MAP2: variants seen among roughly 807,000 people sequenced by gnomAD.
MAP2 encodes the protein microtubule-associated protein 2.
MAP2 carries 14 observed loss-of-function variants against 137.6 expected under a neutral mutation model. The observed-to-expected ratio is 0.10, with a 90% CI of 0.07 to 0.16. The LOEUF is 0.16. Ranked by LOEUF, MAP2 falls within the 10% of genes least tolerant of loss-of-function variation. MAP2 has a pLI of 1.00. For missense variants in MAP2, 2,088 were observed against 2,191.5 expected, an observed-to-expected ratio of 0.95 and a Z score of 0.94; for synonymous variants, 786 against 782.3, an observed-to-expected ratio of 1.00 and a Z score of -0.08.
chr2:209,683,109 G>A (rs1050046822), intron 7 of MAP2, among the ~76,000 whole-genome samples: 1 of 152,128 alleles, frequency 6.6e-6, no homozygotes, highest in Non-Finnish European at 1.5e-5. Flanking sequence ...CACCCAGCCT[G>A]CTTCCTGTAG....
At chr2:209,631,726 T>C (rs533051947) in intron 4 of MAP2, among the ~76,000 whole-genome samples, 3 of 152,274 alleles carry the variant, frequency 2.0e-5, no homozygotes, top group East Asian at 3.9e-4. Context: ...GAAAAGAGTA[T>C]GTGATGAAGC....
chr2:209,635,484 C>A (rs895199496), intron 4 of MAP2, among the ~76,000 whole-genome samples: 5 of 152,090 alleles, frequency 3.3e-5, no homozygotes, highest in Non-Finnish European at 7.4e-5. Flanking sequence ...GATGAACTTA[C>A]AAATAACCGT....
chr2:209,674,140 GC>G (rs1342806825), intron 5 of MAP2, among the ~76,000 whole-genome samples: 1 of 151,696 alleles, frequency 6.6e-6, no homozygotes, highest in Non-Finnish European at 1.5e-5. Flanking sequence ...CATTAACATA[GC>G]CATCAACATC....
chr2:209,620,876 T>C (rs1419082013), intron 3 of MAP2, among the ~76,000 whole-genome samples: 1 of 152,114 alleles, frequency 6.6e-6, no homozygotes, highest in African/African-American at 2.4e-5. Context: ...ATGCTAGTCA[T>C]TGAGGTTAAG....
intron 1 of MAP2, among the ~76,000 whole-genome samples, chr2:209,488,433 C>T: frequency 6.6e-6 from 1 of 152,148 alleles, no homozygotes; most frequent in African/African-American, 2.4e-5. Flanking sequence ...GCCAGTGAGA[C>T]AGAACCATTC....
At chr2:209,603,075 C>T (rs535062986) in intron 3 of MAP2, among the ~76,000 whole-genome samples, 1 of 152,176 alleles carries the variant, frequency 6.6e-6, no homozygotes, top group African/African-American at 2.4e-5. Flanking sequence ...AGAGGATTGC[C>T]AGCTGTGCAC....
At chr2:209,530,541 A>G (rs1447326873) in intron 2 of MAP2, among the ~76,000 whole-genome samples, 1 of 152,180 alleles carries the variant, frequency 6.6e-6, no homozygotes, top group African/African-American at 2.4e-5. Flanking sequence ...ATAGACAGGA[A>G]ATTAAAATCT....
rs2064901527 is a variant in MAP2, at chr2:209,709,966, C to A, written c.4785C>A (p.Thr1595=). Residue 1595 remains threonine, a synonymous_variant, in exon 13 of 16, where the codon ACC becomes ACA. Transcript: ENST00000682079. ...AGKSGTSTPT[T]PGSTAITPGT... is the part of the protein sequence containing the mutation. ...AGAGTGGTACCTCAACACCCACTAC[C>A]CCTGGGTCTACTGCCATCACTCCTG... is the stretch of plus-strand genomic sequence containing the variant. 6.2e-7 allele frequency: 1 copy of A among 1,613,824 alleles called. No individual in the cohort carries two copies. Among genetic ancestry groups the A allele is most frequent in the African/African-American group, 1.3e-5 (1 of 74,848 alleles).
At chr2:209,495,326 C>G (rs901025521) in intron 1 of MAP2, among the ~76,000 whole-genome samples, 3 of 152,244 alleles carry the variant, frequency 2.0e-5, no homozygotes, top group Admixed American at 1.3e-4. Flanking sequence ...GCACAGTGCT[C>G]GAGCTCTGCT....
At chr2:209,728,471 C>T (rs1026824103) in intron 14 of MAP2, among the ~76,000 whole-genome samples, 7 of 152,148 alleles carry the variant, frequency 4.6e-5, no homozygotes, top group Non-Finnish European at 8.8e-5. Flanking sequence ...TAACATCATA[C>T]AGTTTCTAAG....
intron 3 of MAP2, among the ~76,000 whole-genome samples, chr2:209,599,972 TTACTC>T (rs530567175): frequency 9.1e-4 from 139 of 152,306 alleles, no homozygotes; most frequent in African/African-American, 2.6e-3. Flanking sequence ...CCAAATTACA[TTACTC>T]TACTCCCTTC....
chr2:209,667,472 A>AT (rs1176435670), intron 5 of MAP2, among the ~76,000 whole-genome samples: 1 of 152,012 alleles, frequency 6.6e-6, no homozygotes, highest in Non-Finnish European at 1.5e-5. Context: ...TTTTAGGCAT[A>AT]TTCTTAGAAC....
intron 3 of MAP2, among the ~76,000 whole-genome samples, chr2:209,592,436 G>T (rs1051688308): frequency 2.0e-5 from 3 of 151,916 alleles, no homozygotes; most frequent in African/African-American, 4.8e-5. Context: ...TTTCCTTTTG[G>T]TTTGACTGGA....
At chr2:209,431,227 G>A (rs1694191371) in intron 1 of MAP2, among the ~76,000 whole-genome samples, 2 of 151,952 alleles carry the variant, frequency 1.3e-5, no homozygotes, top group Middle Eastern at 6.8e-3. Flanking sequence ...TAAAAAAATG[G>A]CATTTAAAAT....
At chr2:209,472,702 G>A (rs772101392) in intron 1 of MAP2, among the ~76,000 whole-genome samples, 2 of 151,962 alleles carry the variant, frequency 1.3e-5, no homozygotes, top group Non-Finnish European at 2.9e-5. Flanking sequence ...AAACAGGATT[G>A]TGTAACACAG....
At chr2:209,622,771 A>G (rs2091508549) in intron 3 of MAP2, among the ~76,000 whole-genome samples, 1 of 152,170 alleles carries the variant, frequency 6.6e-6, no homozygotes. Context: ...TTAAAAATAA[A>G]TCCCTGAGAG....
rs112553487 is a variant in MAP2 at position 209,575,372 on chromosome 2, C to T, written c.-171-4664C>T. ...CCGTCTCTACTAAAAATTCAGAAAA[C>T]TAGCCGGGCGTGATGGCGGGTGCCT... On this transcript the variant is annotated intron_variant, in intron 2 of 15. Coordinates refer to ENST00000682079, the MANE Select transcript of MAP2 (RefSeq NM_001375505.1). Among the ~76,000 whole-genome samples the T allele has an allele frequency of 6.2e-3, 934 of 151,584 alleles. 2 individuals carry two copies. Among genetic ancestry groups the T allele is most frequent in the Middle Eastern group, 0.021 (6 of 292 alleles).
chr2:209,661,688 G>A, intron 5 of MAP2: 2 of 985,432 alleles, frequency 2.0e-6, no homozygotes, highest in African/African-American at 1.7e-5. Context: ...GGTTTGTATT[G>A]TCACGTTTGC....
chr2:209,638,967 A>G (rs772169510), intron 4 of MAP2, among the ~76,000 whole-genome samples: 2 of 152,172 alleles, frequency 1.3e-5, no homozygotes, highest in Non-Finnish European at 2.9e-5. Flanking sequence ...TGAAGGCCTG[A>G]TACATGCTCA....
Sources: allele counts gnomAD v4.1 joint callset (sites outside exome capture counted in the v4.1 genomes callset), GRCh38; gene constraint gnomAD v4.1.1; transcripts MANE v1.5; gene names NCBI Gene and HGNC (gene_info 2026-07-23, HGNC 2026-07-21).